ARHGAP28: variants seen among roughly 807,000 people sequenced by gnomAD.
ARHGAP28 encodes Rho GTPase activating protein 28, also known as rho GTPase-activating protein 28.
ARHGAP28 carries 56 observed loss-of-function variants against 90.7 expected under a neutral mutation model. That is an observed-to-expected ratio of 0.62 (90% CI 0.50 to 0.77). ARHGAP28 has a LOEUF of 0.77. Among genes scored for constraint, ARHGAP28 ranks in the 30% least tolerant of loss-of-function variants. The probability of loss-of-function intolerance (pLI) is 0.00; values close to 1 mark genes in which losing one functional copy is unlikely to be tolerated. For missense variants in ARHGAP28, 869 were observed against 900.9 expected (o/e 0.96, Z 0.45); for synonymous variants, 308 against 323.3 (o/e 0.95, Z 0.51).
At chr18:6,898,975 T>C (rs1311383891) in intron 16 of ARHGAP28, among the ~76,000 whole-genome samples, 1 of 152,060 alleles carries the variant, frequency 6.6e-6, no homozygotes, top group Non-Finnish European at 1.5e-5. Context: ...TCTCAGAAAT[T>C]ACCACTACAT....
chr18:6,747,425 G>T (rs1007069463), intron 1 of ARHGAP28, among the ~76,000 whole-genome samples: 1 of 152,118 alleles, frequency 6.6e-6, no homozygotes, highest in Non-Finnish European at 1.5e-5. Context: ...GATATGTTTG[G>T]CAGGGTTTAA....
chr18:6,800,951 T>C (rs1187253043), intron 1 of ARHGAP28, among the ~76,000 whole-genome samples: 3 of 152,248 alleles, frequency 2.0e-5, no homozygotes, highest in Non-Finnish European at 4.4e-5. Context: ...GATTTGCCAT[T>C]ATTTTCTTGA....
chr18:6,862,420 A>C (rs1490077301), intron 5 of ARHGAP28, among the ~76,000 whole-genome samples: 4 of 152,182 alleles, frequency 2.6e-5, no homozygotes, highest in Non-Finnish European at 4.4e-5. Context: ...TAAAATGGTA[A>C]AAGAAGGTAA....
chr18:6,737,032 A>T (rs1005442468), intron 1 of ARHGAP28, among the ~76,000 whole-genome samples: 1 of 152,166 alleles, frequency 6.6e-6, no homozygotes, highest in Non-Finnish European at 1.5e-5. Flanking sequence ...TTTCTGAGGT[A>T]ATTGCCATGT....
rs536650183 is a variant in ARHGAP28, at chr18:6,738,376, A to G, written c.122+8433A>G. On this transcript the variant is annotated intron_variant, in intron 1 of 17. Transcript: ENST00000383472. ...ACTTATACTTTATACATTTACTTACATAAAATTTACTTATATACATTTATA... is the reference window on the plus strand; with the variant it reads ...ACTTATACTTTATACATTTACTTACGTAAAATTTACTTATATACATTTATA... Among the ~76,000 whole-genome samples the G allele has an allele frequency of 9.3e-4, 142 of 152,134 alleles. 1 individual carries two copies. The highest frequency in any genetic ancestry group is 3.4e-3 in the African/African-American group (140 of 41,546).
intron 1 of ARHGAP28, among the ~76,000 whole-genome samples, chr18:6,795,617 G>T (rs1446314983): frequency 6.6e-6 from 1 of 152,176 alleles, no homozygotes; most frequent in Non-Finnish European, 1.5e-5. Flanking sequence ...CAAGTGAGAG[G>T]AGCTCTATGT....
chr18:6,832,659 A>G (rs1453161342), intron 2 of ARHGAP28, among the ~76,000 whole-genome samples: 1 of 151,944 alleles, frequency 6.6e-6, no homozygotes, highest in Middle Eastern at 3.2e-3. Context: ...CTTCCTCAAT[A>G]CTCTTAGTAA....
At chr18:6,846,225 G>C (rs1419713498) in intron 3 of ARHGAP28, among the ~76,000 whole-genome samples, 2 of 152,240 alleles carry the variant, frequency 1.3e-5, no homozygotes, top group East Asian at 3.9e-4. Flanking sequence ...TTCCTGTTAA[G>C]GGAAGAAGGA....
At chr18:6,769,927 CT>C (rs1168166396) in intron 1 of ARHGAP28, among the ~76,000 whole-genome samples, 1 of 152,218 alleles carries the variant, frequency 6.6e-6, no homozygotes, top group Non-Finnish European at 1.5e-5. Flanking sequence ...CCCCTAAACT[CT>C]TAGAATTAAC....
chr18:6,867,131 A>G (rs148151888), intron 5 of ARHGAP28, among the ~76,000 whole-genome samples: 9 of 152,284 alleles, frequency 5.9e-5, no homozygotes, highest in African/African-American at 1.9e-4. Flanking sequence ...TAATAATTGG[A>G]CATCTATTCA....
chr18:6,810,435 A>C (rs1022818923), intron 1 of ARHGAP28, among the ~76,000 whole-genome samples: 2 of 152,040 alleles, frequency 1.3e-5, no homozygotes, highest in African/African-American at 4.8e-5. Flanking sequence ...TCATTGCAAC[A>C]TCCAGATAGA....
At chr18:6,862,054 G>A (rs981723891) in intron 5 of ARHGAP28, among the ~76,000 whole-genome samples, 7 of 152,126 alleles carry the variant, frequency 4.6e-5, no homozygotes, top group African/African-American at 1.7e-4. Flanking sequence ...ACTGGCCTTC[G>A]ACTTGACTTA....
chr18:6,812,150 A>C (rs1416927196), intron 1 of ARHGAP28, among the ~76,000 whole-genome samples: 3 of 152,164 alleles, frequency 2.0e-5, no homozygotes, highest in Non-Finnish European at 2.9e-5. Context: ...CCTTGGTAGA[A>C]TTTTGTTTTA....
At chr18:6,735,303 G>A (rs190126481) in intron 1 of ARHGAP28, among the ~76,000 whole-genome samples, 2 of 152,240 alleles carry the variant, frequency 1.3e-5, no homozygotes, top group East Asian at 1.9e-4. Context: ...AGTAAAACTG[G>A]TACAATACTG....
intron 1 of ARHGAP28, among the ~76,000 whole-genome samples, chr18:6,774,526 G>A (rs908679013): frequency 6.6e-6 from 1 of 152,178 alleles, no homozygotes; most frequent in East Asian, 1.9e-4. Flanking sequence ...TAGTTAAAAT[G>A]TGTTCTTAAT....
intron 3 of ARHGAP28, among the ~76,000 whole-genome samples, chr18:6,847,349 C>T (rs2056873808): frequency 1.3e-5 from 2 of 152,040 alleles, no homozygotes; most frequent in Non-Finnish European, 2.9e-5. Context: ...TTTATCCTTA[C>T]GTTCCATATT....
intron 5 of ARHGAP28, among the ~76,000 whole-genome samples, chr18:6,866,629 T>G (rs1600263050): frequency 6.6e-6 from 1 of 152,300 alleles, no homozygotes; most frequent in Non-Finnish European, 1.5e-5. Flanking sequence ...GCTTTGTAAG[T>G]GTTATTCTGT....
At chr18:6,803,973 G>C (rs1035633091) in intron 1 of ARHGAP28, among the ~76,000 whole-genome samples, 6 of 152,080 alleles carry the variant, frequency 3.9e-5, no homozygotes, top group South Asian at 2.1e-4. Flanking sequence ...TAGAGATGGG[G>C]TTTCACCGTA....
At chr18:6,808,154 G>A (rs888392392) in intron 1 of ARHGAP28, among the ~76,000 whole-genome samples, 6 of 151,952 alleles carry the variant, frequency 3.9e-5, no homozygotes, top group African/African-American at 9.7e-5. Context: ...TTGGTCACAG[G>A]GGCTCTGTTT....
Sources: gnomAD v4.1 joint callset for allele counts (sites outside exome capture counted in the v4.1 genomes callset) on GRCh38, gnomAD v4.1.1 for gene constraint, MANE v1.5 for transcripts, NCBI Gene and HGNC (gene_info 2026-07-23, HGNC 2026-07-21) for gene names.